Variants in ERGIC1 observed in about 807,000 individuals in gnomAD.
The protein encoded by ERGIC1 is endoplasmic reticulum-Golgi intermediate compartment protein 1.
ERGIC1 carries 19 observed loss-of-function variants against 38.3 expected under a neutral mutation model. That is an observed-to-expected ratio of 0.50 (90% CI 0.35 to 0.73). ERGIC1 has a LOEUF of 0.73. ERGIC1 is among the 30% of genes least tolerant of loss of function. The probability of loss-of-function intolerance (pLI) is 0.01; values close to 1 mark genes in which losing one functional copy is unlikely to be tolerated. For missense variants in ERGIC1, 294 were observed against 389.2 expected (o/e 0.76, Z 2.06); for synonymous variants, 124 against 157.6 (o/e 0.79, Z 1.60).
chr5:172,891,206 G>A (rs1214664544), intron 2 of ERGIC1, among the ~76,000 whole-genome samples: 1 of 152,200 alleles, frequency 6.6e-6, no homozygotes, highest in Non-Finnish European at 1.5e-5. Flanking sequence ...GAGAAGCTGT[G>A]CAGCTTTGTG....
At chr5:172,856,210 G>T (rs1233939240) in intron 1 of ERGIC1, among the ~76,000 whole-genome samples, 5 of 152,136 alleles carry the variant, frequency 3.3e-5, no homozygotes, top group Non-Finnish European at 5.9e-5. Context: ...GAGAGACTGG[G>T]TTGGCAGCCA....
intron 4 of ERGIC1, among the ~76,000 whole-genome samples, chr5:172,914,249 A>AT (rs1386612871): frequency 0.034 from 4,686 of 138,796 alleles, 267 homozygotes; most frequent in African/African-American, 0.12. Context: ...AAAAAAAAAA[A>AT]AAAAAAAATA....
At chr5:172,935,418 C>A in intron 9 of ERGIC1, 108 bp downstream of exon 9, 3 of 1,492,510 alleles carry the variant, frequency 2.0e-6, no homozygotes, top group Non-Finnish European at 2.7e-6. Flanking sequence ...CAGGAGGCAG[C>A]CTGCAGGGCT....
In ERGIC1 at chr5:172,951,016, G is replaced by A; in HGVS notation, c.*200G>A. The A allele has an allele frequency of 2.0e-6, 1 of 504,514 alleles. No individual in the cohort carries two copies. The highest frequency in any genetic ancestry group is 3.5e-6 in the Non-Finnish European group (1 of 286,110). 31.3% of individuals were successfully genotyped at this position (504,514 alleles called of 1,614,324 possible). A position where few individuals can be genotyped will look rare whatever the true frequency, so the allele number is the denominator to read the frequency against. ...TGTTTCTTTTTAGACAAATTACACT[G>A]CCTGAAGTTGCAGTTCCCCTTTCCC... On this transcript the variant is annotated 3_prime_UTR_variant, in exon 10 of 10. Transcript: ENST00000393784.
Position 172,932,475 on chromosome 5 carries a change from C to T in ERGIC1, c.581C>T (p.Thr194Met), listed in dbSNP as rs369131325. ...GACTACATCCTGAAGATTGTGCCCA[C>T]GGTTTATGAGGACAAGAGTGGCAAG... The part of the protein sequence containing the change: ...SHDYILKIVP[T>M]VYEDKSGKQR... Residue 194 changes from threonine (T) to methionine (M), a missense_variant, in exon 8 of 10, where the codon ACG becomes ATG. By Grantham distance (81) the Thr-to-Met change is moderately conservative. Around this residue, in one of 3 missense-constraint regions of ERGIC1, gnomAD observed 109 missense variants for 112.7 expected, o/e 0.97. Coordinates refer to ENST00000393784, the MANE Select transcript of ERGIC1 (RefSeq NM_001031711.3). 6.2e-6 allele frequency: 10 copies of T among 1,614,090 alleles called. No homozygotes were observed. The highest frequency in any genetic ancestry group is 4.0e-5 in the African/African-American group (3 of 74,932).
At chr5:172,939,158 C>T (rs1177442268) in intron 9 of ERGIC1, among the ~76,000 whole-genome samples, 2 of 152,194 alleles carry the variant, frequency 1.3e-5, no homozygotes, top group African/African-American at 2.4e-5. Flanking sequence ...CACTATGTTC[C>T]GGCCCCCGTA....
chr5:172,837,363 C>T lies in ERGIC1; in HGVS notation c.20+2930C>T, dbSNP rs1761061664. On this transcript the variant is annotated intron_variant, in intron 1 of 9. Coordinates refer to ENST00000393784, the MANE Select transcript of ERGIC1 (RefSeq NM_001031711.3). The surrounding 1 kb of genome is among the most constrained non-coding windows in gnomAD (Gnocchi z 4.3). The stretch of plus-strand genomic sequence containing the variant: ...GTAAGCGCCTCATCCATTTTGGCCG[C>T]CATATTTATTTGTGTCATTTTATTT... Among the ~76,000 whole-genome samples the T allele has an allele frequency of 6.6e-6, 1 of 152,168 alleles. No individual in the cohort carries two copies. The highest frequency in any genetic ancestry group is 1.5e-5 in the Non-Finnish European group (1 of 68,026).
chr5:172,884,889 T>C (rs1202802905), intron 1 of ERGIC1, among the ~76,000 whole-genome samples: 1 of 152,166 alleles, frequency 6.6e-6, no homozygotes, highest in Non-Finnish European at 1.5e-5. Context: ...ATATTTCCAT[T>C]ACCACTATAA....
At chr5:172,896,881 G>A in intron 2 of ERGIC1, 121 bp from the exon 3 acceptor site, 1 of 853,576 alleles carries the variant, frequency 1.2e-6, no homozygotes, top group Non-Finnish European at 1.9e-6. Context: ...GGGCTCTGGA[G>A]GGTCTGTGGG....
At chr5:172,916,490 A>G (rs917280393) in intron 5 of ERGIC1, 1 of 152,226 alleles carries the variant, frequency 6.6e-6, no homozygotes, top group African/African-American at 2.4e-5. Flanking sequence ...GGACTATCCA[A>G]TAGGTTGCCA....
chr5:172,848,371 TAG>T (rs201231609), intron 1 of ERGIC1, among the ~76,000 whole-genome samples: 1 of 152,154 alleles, frequency 6.6e-6, no homozygotes, highest in Non-Finnish European at 1.5e-5. Flanking sequence ...GATGGGGCGA[TAG>T]AGAGTTTATA....
chr5:172,883,348 C>G (rs1427189156), intron 1 of ERGIC1, among the ~76,000 whole-genome samples: 2 of 152,120 alleles, frequency 1.3e-5, no homozygotes, highest in Non-Finnish European at 2.9e-5. Context: ...TCAGGTGTCC[C>G]CTGATGGCCT....
rs748528775 is a variant in ERGIC1 at position 172,926,741 on chromosome 5, G to A, written c.541+172G>A. The stretch of plus-strand genomic sequence containing the variant: ...CCAGTGGGAAGGTGGACCCAGCCCC[G>A]TCCAGACCCAGACCCTGATGGAGAA... On this transcript the variant is annotated intron_variant, in intron 7 of 9. Coordinates refer to ENST00000393784, the MANE Select transcript of ERGIC1 (RefSeq NM_001031711.3). This position sits in a 1 kb window ranked among gnomAD's most constrained non-coding sequence, Gnocchi z 5.2. 32 of 683,852 alleles carry A rather than the reference G, an allele frequency of 4.7e-5. No individual in the cohort carries two copies. The highest frequency in any genetic ancestry group is 6.2e-5 in the Non-Finnish European group (25 of 400,822). The allele number at this position is 683,852 out of a possible 1,614,324, so 42.4% of individuals were successfully genotyped here.
At chr5:172,872,428 C>T (rs971705781) in intron 1 of ERGIC1, among the ~76,000 whole-genome samples, 13 of 152,278 alleles carry the variant, frequency 8.5e-5, no homozygotes, top group African/African-American at 2.9e-4. Flanking sequence ...TCCTTCCCCT[C>T]TTAAAATCTT....
At chr5:172,863,503 CG>C (rs1475550170) in intron 1 of ERGIC1, among the ~76,000 whole-genome samples, 2 of 152,150 alleles carry the variant, frequency 1.3e-5, no homozygotes, top group Admixed American at 1.3e-4. Context: ...GACCCTTGGG[CG>C]CGATCAGCCG....
In ERGIC1 at chr5:172,923,148, G is replaced by A. The variant is rs1394505352; in HGVS notation, c.376-857G>A. 5.3e-5 allele frequency among the ~76,000 whole-genome samples: 5 copies of A among 94,588 alleles called. No individual in the cohort carries two copies. In the East Asian group the frequency reaches 1.2e-3, roughly 22 times the overall value. 62.1% of individuals were successfully genotyped at this position (94,588 alleles called of 152,430 possible). A position where few individuals can be genotyped will look rare whatever the true frequency, so the allele number is the denominator to read the frequency against. On this transcript the variant is annotated intron_variant, in intron 5 of 9. Coordinates refer to ENST00000393784, the MANE Select transcript of ERGIC1 (RefSeq NM_001031711.3). ...TGAGCATCTGGGAGGAGGAGGAGGA[G>A]GAGGGTTCCAGGATCATACCAAGGG... is the stretch of plus-strand genomic sequence containing the variant.
intron 9 of ERGIC1, among the ~76,000 whole-genome samples, chr5:172,947,981 A>G (rs761007566): frequency 1.2e-4 from 18 of 151,942 alleles, no homozygotes; most frequent in Admixed American, 4.6e-4. Flanking sequence ...AAGCTCTAAA[A>G]GCGTTTTGTG....
chr5:172,849,984 T>A (rs1048435402), intron 1 of ERGIC1, among the ~76,000 whole-genome samples: 14 of 152,208 alleles, frequency 9.2e-5, no homozygotes, highest in Non-Finnish European at 1.9e-4. Context: ...TTTATTTGCC[T>A]CATTTTACAG....
intron 5 of ERGIC1, chr5:172,918,228 G>A (rs1424311019): frequency 6.6e-6 from 1 of 152,192 alleles, no homozygotes. Context: ...CATCAGTAAA[G>A]CAGCATATTC....
Sources: gnomAD v4.1 joint callset for allele counts (sites outside exome capture counted in the v4.1 genomes callset) on GRCh38, gnomAD v4.1.1 for gene constraint, gnomAD v4.1.1 regional missense constraint, Gnocchi (gnomAD v3.1) non-coding constraint, MANE v1.5 for transcripts, NCBI Gene and HGNC (gene_info 2026-07-23, HGNC 2026-07-21) for gene names.